ADAMTS5: variants seen among roughly 807,000 people sequenced by gnomAD.
The protein encoded by ADAMTS5 is A disintegrin and metalloproteinase with thrombospondin motifs 5.
A neutral mutation model predicts 81.4 loss-of-function variants in ADAMTS5; 54 were observed. The observed-to-expected ratio is 0.66, with a 90% CI of 0.53 to 0.83. ADAMTS5 has a LOEUF of 0.83. ADAMTS5 is among the 40% of genes least tolerant of loss of function. The pLI, the probability that ADAMTS5 is intolerant of heterozygous loss-of-function variation, is 0.00. For synonymous variants in ADAMTS5, 532 were observed against 508.8 expected (o/e 1.05, Z -0.61); for missense variants, 1,194 against 1,229.9 (o/e 0.97, Z 0.44).
In ADAMTS5 at chr21:26,921,425, C is replaced by T. The variant is rs572353509; in HGVS notation, c.*2628G>A. The T allele has an allele frequency of 1.3e-5, 2 of 149,414 alleles. No individual in the cohort carries two copies. Among genetic ancestry groups the T allele is most frequent in the Admixed American group, 6.7e-5 (1 of 14,862 alleles). The allele number at this position is 149,414 out of a possible 1,614,324, so 9.3% of individuals were successfully genotyped here. ...TAAGTGAGATTAGATTCTTACAAAC[C>T]TGAGCATTTTCAGACGAATTCTTTT... On this transcript the variant is annotated 3_prime_UTR_variant, in exon 8 of 8. Transcript: ENST00000284987.
At chr21:26,957,398 T>A (rs960193765) in intron 1 of ADAMTS5, among the ~76,000 whole-genome samples, 3 of 152,090 alleles carry the variant, frequency 2.0e-5, no homozygotes, top group African/African-American at 7.2e-5. Context: ...TACACACACA[T>A]ATATGTGATA....
Position 26,965,561 on chromosome 21 carries a change from C to T in ADAMTS5, c.831G>A (p.Ala277=), listed in dbSNP as rs1233369611. ...RQVELLLVAD[A]SMARLYGRGL... ...CCCGGCCATACAACCGCGCCATGGA[C>T]GCGTCAGCCACCAGAAGCAGCTCCA... Residue 277 remains alanine (A), a synonymous_variant, in exon 1 of 8, where the codon GCG becomes GCA. Transcript: ENST00000284987. 8 of 1,610,892 alleles carry T rather than the reference C, an allele frequency of 5.0e-6. No individual in the cohort carries two copies. The highest frequency in any genetic ancestry group is 5.9e-6 in the Non-Finnish European group (7 of 1,178,130).
chr21:26,943,457 A>G lies in ADAMTS5; in HGVS notation c.1328T>C (p.Leu443Pro), dbSNP rs1987153121. The part of the protein sequence containing the change: ...TEDKRLMSSI[L>P]TSIDASKPWS... ...GGGCTTAGATGCATCAATGCTGGTAAGGATGGAAGACATTAAGCGCTTATC... is the reference window on the plus strand; with the variant it reads ...GGGCTTAGATGCATCAATGCTGGTAGGGATGGAAGACATTAAGCGCTTATC... The change falls in exon 3 of 8, where the codon CTT (leucine) becomes CCT (proline). Residue 443 changes from leucine (L) to proline (P), a missense_variant. Around this residue, in one of 2 missense-constraint regions of ADAMTS5, gnomAD observed 696 missense variants for 817.6 expected, o/e 0.85. Transcript: ENST00000284987. 3 of 1,613,794 alleles carry G rather than the reference A, an allele frequency of 1.9e-6. No homozygotes were observed. Among genetic ancestry groups the G allele is most frequent in the Non-Finnish European group, 2.5e-6 (3 of 1,179,776 alleles).
chr21:26,965,269 G>A lies in ADAMTS5; in HGVS notation c.1104+19C>T, dbSNP rs745757248. 1.9e-6 allele frequency: 3 copies of A among 1,593,800 alleles called. No homozygotes were observed. The highest frequency in any genetic ancestry group is 4.5e-5 in the East Asian group (2 of 44,592). On this transcript the variant is annotated intron_variant, in intron 1 of 7. Transcript: ENST00000284987. Reference sequence around the variant, plus strand: ...TCCTGATATCAGCGCTGGGACCCCCGCATCCCGGCTGGACCTACCTCCCGA... The same window carrying A: ...TCCTGATATCAGCGCTGGGACCCCCACATCCCGGCTGGACCTACCTCCCGA...
At chr21:26,930,150 T>G in intron 6 of ADAMTS5, 89 bp from the exon 7 acceptor site, 1 of 1,417,786 alleles carries the variant, frequency 7.1e-7, no homozygotes. Flanking sequence ...TTTGTGATTT[T>G]TTGAGTTTGA....
At chr21:26,948,770 T>C (rs1461305316) in intron 2 of ADAMTS5, among the ~76,000 whole-genome samples, 1 of 152,190 alleles carries the variant, frequency 6.6e-6, no homozygotes, top group African/African-American at 2.4e-5. Context: ...TTTGAATCCA[T>C]TTCAGAATTA....
At position 26,966,108 on chromosome 21, in the gene ADAMTS5, C is replaced by A; in HGVS notation, c.284G>T (p.Gly95Val). The change falls in exon 1 of 8, where the codon GGC (glycine) becomes GTC (valine). Residue 95 changes from glycine (G) to valine (V), a missense_variant. Physicochemically the swap from Gly to Val is moderately radical, Grantham distance 109. Transcript: ENST00000284987. Reference sequence around the variant, plus strand: ...CTCCAGGTCCAAGAGGAACCTCCGGCCGCCCGCGTAGACGAGGTAGCCCAC... The same window carrying A: ...CTCCAGGTCCAAGAGGAACCTCCGGACGCCCGCGTAGACGAGGTAGCCCAC... ...GKVGYLVYAG[G>V]RRFLLDLERD... 6.2e-7 allele frequency: 1 copy of A among 1,612,794 alleles called. No homozygotes were observed.
At chr21:26,965,094 TA>T (rs1037393342) in intron 1 of ADAMTS5, among the ~76,000 whole-genome samples, 193 bp downstream of exon 1, 2 of 152,204 alleles carry the variant, frequency 1.3e-5, no homozygotes, top group African/African-American at 4.8e-5. Context: ...TCTTGGCATT[TA>T]AGGCAAAAAT....
At chr21:26,960,637 AG>A (rs1296505611) in intron 1 of ADAMTS5, among the ~76,000 whole-genome samples, 1 of 152,168 alleles carries the variant, frequency 6.6e-6, no homozygotes, top group African/African-American at 2.4e-5. Context: ...AATTGGCTGG[AG>A]CCTTGGTCTT....
chr21:26,955,164 G>A (rs761778336), intron 1 of ADAMTS5, among the ~76,000 whole-genome samples: 1 of 152,168 alleles, frequency 6.6e-6, no homozygotes, highest in Non-Finnish European at 1.5e-5. Context: ...ATGCAGATAC[G>A]TCTCTGATCA....
Position 26,966,175 on chromosome 21 carries a change from G to A in ADAMTS5, c.217C>T (p.Leu73=), listed in dbSNP as rs760796548. ...TAGAGTTGGTCGATGTTCTGCACCA[G>A]CCCCTTGCTCCTGCGCCGCTGCGCC... ...PLAQRRRSKG[L]VQNIDQLYSG... The change falls in exon 1 of 8, where the codon CTG becomes TTG. Residue 73 remains leucine, a synonymous_variant. Transcript: ENST00000284987. The A allele has an allele frequency of 8.1e-6, 13 of 1,606,676 alleles. No homozygotes were observed. The highest frequency in any genetic ancestry group is 1.1e-5 in the Non-Finnish European group (13 of 1,176,658).
intron 2 of ADAMTS5, among the ~76,000 whole-genome samples, chr21:26,953,323 G>T (rs1047964596): frequency 6.6e-6 from 1 of 152,192 alleles, no homozygotes; most frequent in Admixed American, 6.5e-5. Context: ...ATTATTCTCA[G>T]TGATGCTATT....
At chr21:26,933,218 A>G (rs1986948308) in intron 4 of ADAMTS5, among the ~76,000 whole-genome samples, 174 bp from the exon 5 acceptor site, 1 of 152,166 alleles carries the variant, frequency 6.6e-6, no homozygotes, top group Non-Finnish European at 1.5e-5. Context: ...TTCCAGTGCT[A>G]AGCAATTCAT....
At chr21:26,938,604 A>G (rs1257902663) in intron 3 of ADAMTS5, among the ~76,000 whole-genome samples, 1 of 152,200 alleles carries the variant, frequency 6.6e-6, no homozygotes, top group Non-Finnish European at 1.5e-5. Flanking sequence ...ATCTCGGCTC[A>G]CTGCAACCTC....
intron 2 of ADAMTS5, 134 bp downstream of exon 2, chr21:26,954,605 A>G (rs1346927493): frequency 5.9e-6 from 8 of 1,353,648 alleles, no homozygotes; most frequent in Non-Finnish European, 8.0e-6. Context: ...AAAAGTGCAG[A>G]TATAAACAAA....
In ADAMTS5 at chr21:26,932,135, G is replaced by A. The variant is rs752275922; in HGVS notation, c.1918C>T (p.Gln640Ter). 3 of 1,614,142 alleles carry A rather than the reference G, an allele frequency of 1.9e-6. No individual in the cohort carries two copies. The highest frequency in any genetic ancestry group is 1.1e-5 in the South Asian group (1 of 91,072). Reference sequence around the variant, plus strand: ...GTTTTGACTCCTTTTGCATCAGACTGATAGCCATTTTTGGCCTCACACTGT... The same window carrying A: ...GTTTTGACTCCTTTTGCATCAGACTAATAGCCATTTTTGGCCTCACACTGT... ...HEQCEAKNGYQSDAKGVKTFV... is the reference protein window; with the variant it reads ...HEQCEAKNGY The change falls in exon 6 of 8, where the codon CAG becomes TAG. Residue 640 changes from glutamine to a stop codon, truncating the protein, a stop_gained. Transcript: ENST00000284987. LOFTEE classifies it high-confidence loss of function.
chr21:26,952,949 T>C (rs1987350012), intron 2 of ADAMTS5, among the ~76,000 whole-genome samples: 2 of 152,238 alleles, frequency 1.3e-5, no homozygotes, highest in Non-Finnish European at 2.9e-5. Flanking sequence ...GCAAGTCTCA[T>C]GTTTCTTTCT....
rs762187944 is a variant in ADAMTS5 at position 26,924,572 on chromosome 21, T to G, written c.2274A>C (p.Ile758=). Residue 758 remains isoleucine, a synonymous_variant, in exon 8 of 8, where the codon ATA becomes ATC. Transcript: ENST00000284987. The part of the protein sequence containing the change: ...VVRIPEGATH[I]KVRQFKAKDQ... ...CTTTGGCTTTGAACTGTCGAACTTT[T>G]ATGTGGGTTGCCCCTTCAGGAATCC... 1 of 1,614,104 alleles carries G rather than the reference T, an allele frequency of 6.2e-7. No homozygotes were observed. Among genetic ancestry groups the G allele is most frequent in the Admixed American group, 1.7e-5 (1 of 60,020 alleles).
At chr21:26,936,375 A>C (rs1987013771) in intron 3 of ADAMTS5, among the ~76,000 whole-genome samples, 1 of 152,252 alleles carries the variant, frequency 6.6e-6, no homozygotes, top group Non-Finnish European at 1.5e-5. Context: ...TGACCAGAAA[A>C]ATACAAAGCA....
Sources: allele counts gnomAD v4.1 joint callset (sites outside exome capture counted in the v4.1 genomes callset), GRCh38; gene constraint gnomAD v4.1.1; regional missense constraint gnomAD v4.1.1; transcripts MANE v1.5; gene names NCBI Gene and HGNC (gene_info 2026-07-23, HGNC 2026-07-21).